Variants in GNA14 observed in about 807,000 individuals in gnomAD.
The protein encoded by GNA14 is guanine nucleotide-binding protein subunit alpha-14.
Under a neutral mutation model 42.0 loss-of-function variants are expected in GNA14, and 50 were observed. The ratio of observed to expected loss-of-function variants is 1.19; its 90% CI spans 0.95 to 1.51. The LOEUF is 1.51. Among genes scored for constraint, GNA14 ranks in the 40% most tolerant of loss-of-function variants. GNA14 has a pLI of 0.00. For synonymous variants in GNA14, 173 were observed against 163.1 expected (o/e 1.06, Z -0.46); for missense variants, 473 against 446.2 (o/e 1.06, Z -0.54).
chr9:77,429,099 C>T, intron 4 of GNA14, 63 bp from the exon 5 acceptor site: 3 of 1,526,734 alleles, frequency 2.0e-6, no homozygotes, highest in Admixed American at 1.7e-5. Context: ...GGAAAAAGGA[C>T]ATGAATTATA....
chr9:77,537,023 G>T (rs1837606865), intron 1 of GNA14, among the ~76,000 whole-genome samples: 1 of 152,022 alleles, frequency 6.6e-6, no homozygotes, highest in Non-Finnish European at 1.5e-5. Context: ...ATAAAATCAA[G>T]CCAGGGTATT....
At position 77,432,719 on chromosome 9, in the gene GNA14, C is replaced by G. The variant is rs1442891065; in HGVS notation, c.465-1270G>C. ...CCCTAGCCACGCCCCTCGTCCATGT[C>G]AGTGGCCTTGCCCCCATGGTTTTCA... On this transcript the variant is annotated intron_variant, in intron 3 of 6. Coordinates refer to ENST00000341700, the MANE Select transcript of GNA14 (RefSeq NM_004297.4). Among the ~76,000 whole-genome samples, 3 of 152,194 alleles carry G rather than the reference C, an allele frequency of 2.0e-5. No individual in the cohort carries two copies. In the East Asian group the frequency reaches 5.8e-4, roughly 29 times the overall value.
intron 3 of GNA14, among the ~76,000 whole-genome samples, chr9:77,432,804 GA>G (rs1236889270): frequency 2.0e-5 from 3 of 152,128 alleles, no homozygotes; most frequent in Admixed American, 6.5e-5. Flanking sequence ...TCTACATCAA[GA>G]GCCCTAGCCA....
chr9:77,445,053 A>T (rs1379424723), intron 2 of GNA14, among the ~76,000 whole-genome samples: 1 of 152,204 alleles, frequency 6.6e-6, no homozygotes, highest in Non-Finnish European at 1.5e-5. Flanking sequence ...AAAGGAAGGG[A>T]AACATTTCAA....
chr9:77,497,423 C>G (rs1836889459), intron 2 of GNA14, among the ~76,000 whole-genome samples: 1 of 152,284 alleles, frequency 6.6e-6, no homozygotes, highest in East Asian at 1.9e-4. Flanking sequence ...ACTCAGGACA[C>G]TGAGTCTCAT....
chr9:77,467,181 G>A (rs888358493), intron 2 of GNA14, among the ~76,000 whole-genome samples: 13 of 152,126 alleles, frequency 8.5e-5, no homozygotes, highest in African/African-American at 3.1e-4. Context: ...GTGCCCAGCT[G>A]TTCAGATCAC....
chr9:77,454,539 A>T (rs954381907), intron 2 of GNA14, among the ~76,000 whole-genome samples: 2 of 150,554 alleles, frequency 1.3e-5, no homozygotes, highest in African/African-American at 4.9e-5. Flanking sequence ...AAAGGAACAG[A>T]TGAAATTCTT....
Position 77,434,499 on chromosome 9 carries a change from TTC to T in GNA14, c.331_332del (p.Glu111SerfsTer48). 1 of 1,613,766 alleles carries T rather than the reference TTC, an allele frequency of 6.2e-7. No homozygotes were observed. Among genetic ancestry groups the T allele is most frequent in the South Asian group, 1.1e-5 (1 of 91,006 alleles). Reference sequence around the variant, plus strand: ...GCATGGAGACCTTGTCCACTTCCACTTCTCTGATTATCTGGGCATTTTCCTAC... The same window carrying T: ...GCATGGAGACCTTGTCCACTTCCACTTCTGATTATCTGGGCATTTTCCTAC... ...QNKENAQIIR[E>X]VEVDKVSMLS... On this transcript the variant is annotated frameshift_variant, in exon 3 of 7. Coordinates refer to ENST00000341700, the MANE Select transcript of GNA14 (RefSeq NM_004297.4). LOFTEE classifies it high-confidence loss of function.
rs1163532386 is a variant in GNA14 at position 77,436,496 on chromosome 9, A to C, written c.310-1974T>G. ...CAGTAGCCTCTAAACCCTGACTTCT[A>C]ATCCCACCACTGGCATGCTGCATGT... On this transcript the variant is annotated intron_variant, in intron 2 of 6. Transcript: ENST00000341700. Among the ~76,000 whole-genome samples, 17 of 152,338 alleles carry C rather than the reference A, an allele frequency of 1.1e-4. No homozygotes were observed. The East Asian group carries it at 3.3e-3, about 29-fold the overall frequency.
At chr9:77,570,704 T>C (rs1026323108) in intron 1 of GNA14, among the ~76,000 whole-genome samples, 10 of 152,236 alleles carry the variant, frequency 6.6e-5, no homozygotes, top group Admixed American at 1.3e-4. Flanking sequence ...TGCACATTCA[T>C]GTACAAGTTT....
chr9:77,541,649 C>G (rs1297734325), intron 1 of GNA14, among the ~76,000 whole-genome samples: 3 of 152,152 alleles, frequency 2.0e-5, no homozygotes, highest in African/African-American at 4.8e-5. Context: ...CATTCTCTCT[C>G]TATCCTTGAG....
intron 2 of GNA14, among the ~76,000 whole-genome samples, chr9:77,505,508 G>A (rs1837053744): frequency 6.6e-6 from 1 of 152,224 alleles, no homozygotes; most frequent in South Asian, 2.1e-4. Flanking sequence ...ATGGCAGGAT[G>A]AGTCGTAATT....
At chr9:77,424,959 A>G (rs879716531) in intron 6 of GNA14, among the ~76,000 whole-genome samples, 1 of 152,188 alleles carries the variant, frequency 6.6e-6, no homozygotes, top group African/African-American at 2.4e-5. Flanking sequence ...CTCCTGTACC[A>G]GAAACAATTA....
intron 1 of GNA14, among the ~76,000 whole-genome samples, chr9:77,626,997 TAAA>T (rs900545003): frequency 5.3e-5 from 8 of 151,180 alleles, no homozygotes; most frequent in African/African-American, 1.9e-4. Flanking sequence ...ACAAGACAAA[TAAA>T]GAAGAAAAGA....
intron 2 of GNA14, among the ~76,000 whole-genome samples, chr9:77,489,740 T>C (rs1380637053): frequency 1.3e-5 from 2 of 152,088 alleles, no homozygotes; most frequent in Non-Finnish European, 2.9e-5. Flanking sequence ...GAGTTGTTCA[T>C]TTCTCCCGGT....
At position 77,424,487 on chromosome 9, in the gene GNA14, T is replaced by C. The variant is rs994493068; in HGVS notation, c.878-318A>G. On this transcript the variant is annotated intron_variant, in intron 6 of 6. Coordinates refer to ENST00000341700, the MANE Select transcript of GNA14 (RefSeq NM_004297.4). ...ATCCACCTGCCTTGGCCTCCCAAAG[T>C]GCTGGGATTACAGGCGTGAGCCACC... Among the ~76,000 whole-genome samples the C allele has an allele frequency of 2.0e-5, 3 of 152,204 alleles. No homozygotes were observed. The East Asian group carries it at 5.8e-4, about 29-fold the overall frequency.
At chr9:77,645,248 C>G (rs1824334830) in intron 1 of GNA14, among the ~76,000 whole-genome samples, 1 of 152,200 alleles carries the variant, frequency 6.6e-6, no homozygotes, top group African/African-American at 2.4e-5. Flanking sequence ...ACTGAGGCAC[C>G]TGAGCAGTGG....
intron 1 of GNA14, among the ~76,000 whole-genome samples, chr9:77,567,479 G>A (rs1047625171): frequency 4.6e-5 from 7 of 152,154 alleles, no homozygotes; most frequent in Non-Finnish European, 8.8e-5. Flanking sequence ...GGCAAAATAA[G>A]ATGAGAGCTA....
chr9:77,612,716 T>C (rs1003535812), intron 1 of GNA14, among the ~76,000 whole-genome samples: 2 of 151,500 alleles, frequency 1.3e-5, no homozygotes, highest in African/African-American at 4.8e-5. Flanking sequence ...AAAAGGGAAA[T>C]CTAGTACACT....
Sources: gnomAD v4.1 joint callset for allele counts (sites outside exome capture counted in the v4.1 genomes callset) on GRCh38, gnomAD v4.1.1 for gene constraint, MANE v1.5 for transcripts, NCBI Gene and HGNC (gene_info 2026-07-23, HGNC 2026-07-21) for gene names.